FTO: variants seen among roughly 807,000 people sequenced by gnomAD.
FTO encodes FTO alpha-ketoglutarate dependent dioxygenase.
FTO carries 47 observed loss-of-function variants against 63.9 expected under a neutral mutation model. The observed-to-expected ratio is 0.74, with a 90% CI of 0.58 to 0.94. The LOEUF (loss-of-function observed/expected upper bound fraction) is 0.94, where lower values mean the gene tolerates loss of function less well. Among genes scored for constraint, FTO ranks in the 40% least tolerant of loss-of-function variants. The pLI is 0.00. For missense variants in FTO, 562 were observed against 618.1 expected (o/e 0.91, Z 0.96); for synonymous variants, 207 against 224.4 (o/e 0.92, Z 0.69).
chr16:53,833,181 A>G (rs753898437), intron 3 of FTO, among the ~76,000 whole-genome samples: 17 of 152,292 alleles, frequency 1.1e-4, no homozygotes, highest in Non-Finnish European at 1.9e-4. Context: ...TGCCACTGCC[A>G]TGTAAGAAGT....
chr16:53,975,776 G>T (rs4784335), intron 8 of FTO, among the ~76,000 whole-genome samples: 88,745 of 151,980 alleles, frequency 0.58, 27,457 homozygotes, highest in East Asian at 0.84. Flanking sequence ...CAGTCACATA[G>T]GAGCAATTTT....
chr16:53,771,251 A>G (rs2077329297), intron 1 of FTO, among the ~76,000 whole-genome samples: 1 of 152,182 alleles, frequency 6.6e-6, no homozygotes, highest in Admixed American at 6.6e-5. Context: ...AGTACAGGAC[A>G]TCTTCATCCT....
rs150110112 is a variant in FTO, at chr16:53,717,410, T to C, written c.45+13181T>C. On this transcript the variant is annotated intron_variant, in intron 1 of 8. Transcript: ENST00000471389. ...TTGAATTTCCTCCCACCATTTATAT[T>C]GGCCAAATATAGTTCTTTTGTGATT... Among the ~76,000 whole-genome samples the C allele has an allele frequency of 1.8e-3, 280 of 152,236 alleles. 1 individual carries two copies. The highest frequency in any genetic ancestry group is 3.6e-3 in the Non-Finnish European group (244 of 67,960).
At position 53,720,675 on chromosome 16, in the gene FTO, G is replaced by T. The variant is rs974905354; in HGVS notation, c.45+16446G>T. 2.4e-4 allele frequency among the ~76,000 whole-genome samples: 34 copies of T among 144,228 alleles called. No individual in the cohort carries two copies. The East Asian group carries it at 4.9e-3, about 21-fold the overall frequency. The allele number at this position is 144,228 out of a possible 152,430, so 94.6% of individuals were successfully genotyped here. ...ATATATCTTTTATATATATATAAAA[G>T]ATATATATATATCTGTGTCTTCCGA... On this transcript the variant is annotated intron_variant, in intron 1 of 8. Coordinates refer to ENST00000471389, the MANE Select transcript of FTO (RefSeq NM_001080432.3).
At chr16:54,003,473 A>G (rs558483885) in intron 8 of FTO, among the ~76,000 whole-genome samples, 14 of 152,354 alleles carry the variant, frequency 9.2e-5, no homozygotes, top group African/African-American at 3.4e-4. Context: ...TTCTGGTATT[A>G]CATTTCCCTA....
At chr16:54,019,988 A>C (rs1347688327) in intron 8 of FTO, among the ~76,000 whole-genome samples, 1 of 152,212 alleles carries the variant, frequency 6.6e-6, no homozygotes, top group Non-Finnish European at 1.5e-5. Context: ...TTACTGCCTC[A>C]AAAAAATTTG....
intron 8 of FTO, among the ~76,000 whole-genome samples, chr16:54,026,319 T>TA (rs1400724880): frequency 6.6e-6 from 1 of 152,108 alleles, no homozygotes; most frequent in Non-Finnish European, 1.5e-5. Flanking sequence ...CTGTGGCTCC[T>TA]AATGGCTCAC....
chr16:53,965,268 G>A (rs2083173191), intron 8 of FTO, among the ~76,000 whole-genome samples: 3 of 152,146 alleles, frequency 2.0e-5, no homozygotes, highest in South Asian at 4.1e-4. Flanking sequence ...TAGAGACGGG[G>A]TTTCACCATA....
At position 54,082,779 on chromosome 16, in the gene FTO, C is replaced by G. The variant is rs566635356; in HGVS notation, c.1365-28983C>G. On this transcript the variant is annotated intron_variant, in intron 8 of 8. Coordinates refer to ENST00000471389, the MANE Select transcript of FTO (RefSeq NM_001080432.3). ...TCAGTTCATCCAGGTTCAAGGACTC[C>G]TTTTGGTTGCAACTGACCCGCCATG... 3.9e-5 allele frequency among the ~76,000 whole-genome samples: 6 copies of G among 152,186 alleles called. No individual in the cohort carries two copies. In the East Asian group the frequency reaches 9.7e-4, roughly 25 times the overall value.
chr16:54,088,601 G>A (rs708255), intron 8 of FTO, among the ~76,000 whole-genome samples: 83,024 of 152,030 alleles, frequency 0.55, 23,827 homozygotes, highest in African/African-American at 0.74. Flanking sequence ...TTCGTATTTT[G>A]AATGCCCCAC....
intron 1 of FTO, among the ~76,000 whole-genome samples, chr16:53,723,659 A>G (rs183528244): frequency 6.6e-6 from 1 of 152,260 alleles, no homozygotes; most frequent in Non-Finnish European, 1.5e-5. Context: ...ATAATCATAT[A>G]GGCTTTTGCC....
intron 8 of FTO, among the ~76,000 whole-genome samples, chr16:54,025,130 C>T (rs2084684922): frequency 6.6e-6 from 1 of 152,206 alleles, no homozygotes; most frequent in Non-Finnish European, 1.5e-5. Context: ...GTCTGGATCT[C>T]ATACCTGCTC....
rs1346735423 is a variant in FTO at position 54,120,624 on chromosome 16, A to G, written c.*8709A>G. On this transcript the variant is annotated 3_prime_UTR_variant, in exon 9 of 9. Transcript: ENST00000471389. ...TGGGAGAAGTTATTTCAGGTGAATT[A>G]TAGAAACTGGATTTCAAGTTTCTGA... 5.9e-5 allele frequency: 9 copies of G among 152,212 alleles called. No homozygotes were observed. Among genetic ancestry groups the G allele is most frequent in the Admixed American group, 5.9e-4 (9 of 15,284 alleles). The allele number at this position is 152,212 out of a possible 1,614,324, so 9.4% of individuals were successfully genotyped here.
intron 8 of FTO, among the ~76,000 whole-genome samples, chr16:54,037,534 C>A (rs1015131570): frequency 6.6e-6 from 1 of 152,188 alleles, no homozygotes; most frequent in Non-Finnish European, 1.5e-5. Flanking sequence ...AGTGCTCATG[C>A]TTTTAGTTAA....
intron 7 of FTO, among the ~76,000 whole-genome samples, chr16:53,928,815 C>G (rs935946252): frequency 6.6e-6 from 1 of 151,814 alleles, no homozygotes; most frequent in African/African-American, 2.4e-5. Context: ...TGGTATACAA[C>G]CCTATAGGTT....
intron 1 of FTO, among the ~76,000 whole-genome samples, chr16:53,778,657 C>T (rs143366806): frequency 6.6e-6 from 1 of 152,208 alleles, no homozygotes; most frequent in East Asian, 1.9e-4. Flanking sequence ...TCTTGAAGGC[C>T]AATTTCCTTT....
At chr16:53,975,807 G>T (rs1307204663) in intron 8 of FTO, among the ~76,000 whole-genome samples, 5 of 152,124 alleles carry the variant, frequency 3.3e-5, no homozygotes, top group Admixed American at 6.5e-5. Context: ...CCCAAGCAAT[G>T]AAGATTTATA....
At chr16:53,985,732 C>A (rs2083651672) in intron 8 of FTO, among the ~76,000 whole-genome samples, 1 of 152,146 alleles carries the variant, frequency 6.6e-6, no homozygotes, top group African/African-American at 2.4e-5. Flanking sequence ...GACTCTTAGT[C>A]TTTTTCTCCT....
chr16:53,977,864 A>C (rs1436000964), intron 8 of FTO, among the ~76,000 whole-genome samples: 1 of 151,942 alleles, frequency 6.6e-6, no homozygotes, highest in East Asian at 1.9e-4. Context: ...AGAGATATTT[A>C]TTTATTTATT....
Sources: allele counts gnomAD v4.1 joint callset (sites outside exome capture counted in the v4.1 genomes callset), GRCh38; gene constraint gnomAD v4.1.1; transcripts MANE v1.5; gene names NCBI Gene and HGNC (gene_info 2026-07-23, HGNC 2026-07-21).